The following DEK variants were observed in gnomAD, a reference collection of about 807,000 sequenced individuals.
The protein encoded by DEK is protein DEK.
In DEK, 28 loss-of-function variants were observed where a neutral mutation model predicts 46.8. The ratio of observed to expected loss-of-function variants is 0.60; its 90% confidence interval spans 0.44 to 0.82. The LOEUF (loss-of-function observed/expected upper bound fraction) is 0.82, where lower values mean the gene tolerates loss of function less well. Among genes scored for constraint, DEK ranks in the 40% least tolerant of loss-of-function variants. The pLI, the probability that DEK is intolerant of heterozygous loss-of-function variation, is 0.00. For missense variants in DEK, 416 were observed against 430.6 expected (o/e 0.97, Z 0.30); for synonymous variants, 160 against 144.5 (o/e 1.11, Z -0.77).
intron 1 of DEK, 142 bp downstream of exon 1, chr6:18,264,243 T>TGCGCTGTTCCCGGCCCGGCCC (rs1561996893): frequency 1.1e-5 from 3 of 273,346 alleles, no homozygotes; most frequent in Non-Finnish European, 2.0e-5. Flanking sequence ...CCGCCCGGCC[T>TGCGCTGTTCCCGGCCCGGCCC]GCGCTGTTCC....
At chr6:18,249,866 C>T in intron 6 of DEK, 27 bp from the exon 7 acceptor site, 1 of 1,570,912 alleles carries the variant, frequency 6.4e-7, no homozygotes, top group East Asian at 2.3e-5. Flanking sequence ...AAAGATAACA[C>T]CAATGAGGTA....
chr6:18,234,920 C>T (rs974875809), intron 9 of DEK, among the ~76,000 whole-genome samples: 1 of 152,154 alleles, frequency 6.6e-6, no homozygotes, highest in African/African-American at 2.4e-5. Context: ...CCTATGTCAT[C>T]GTCTCCTAAT....
At position 18,263,947 on chromosome 6, in the gene DEK, G is replaced by A. The variant is rs757359160; in HGVS notation, c.41C>T (p.Pro14Leu). 1 of 1,613,156 alleles carries A rather than the reference G, an allele frequency of 6.2e-7. No individual in the cohort carries two copies. Among genetic ancestry groups the A allele is most frequent in the South Asian group, 1.1e-5 (1 of 90,984 alleles). The change falls in exon 2 of 11, where the codon CCC (proline) becomes CTC (leucine). Residue 14 changes from proline to leucine, a missense_variant. Transcript: ENST00000652689. ...TTCTTTCTCGGACGCGGGCTGGGTG[G>A]GGGTTCCCTCCCCCTCCGCAGCAGG... ...SAPAAEGEGT[P>L]TQPASEKEPE...
At chr6:18,261,014 C>CTCTACTA (rs1345957781) in intron 2 of DEK, among the ~76,000 whole-genome samples, 2 of 150,236 alleles carry the variant, frequency 1.3e-5, no homozygotes, top group African/African-American at 4.9e-5. Context: ...GAAAGAAAAC[C>CTCTACTA]TCTACTAGGG....
intron 9 of DEK, 36 bp from the exon 10 acceptor site, chr6:18,226,278 C>G: frequency 7.6e-7 from 1 of 1,309,062 alleles, no homozygotes; most frequent in Non-Finnish European, 1.0e-6. Flanking sequence ...ATGTTAAAAG[C>G]AGATTTTAAA....
intron 6 of DEK, among the ~76,000 whole-genome samples, chr6:18,252,114 G>A (rs1791401360): frequency 1.3e-5 from 2 of 152,142 alleles, no homozygotes; most frequent in African/African-American, 4.8e-5. Context: ...ATAAGGTAAA[G>A]TACAATAGAA....
chr6:18,243,786 A>T (rs565866374), intron 7 of DEK, among the ~76,000 whole-genome samples: 1 of 152,222 alleles, frequency 6.6e-6, no homozygotes, highest in South Asian at 2.1e-4. Context: ...GCAATCAAAA[A>T]GTGGTTACCT....
At chr6:18,233,352 G>C (rs958918627) in intron 9 of DEK, among the ~76,000 whole-genome samples, 107 of 152,214 alleles carry the variant, frequency 7.0e-4, no homozygotes, top group African/African-American at 2.5e-3. Context: ...TTGACAAATG[G>C]GATCTAATTA....
rs1554155712 is a variant in DEK, at chr6:18,224,901, T to TTG, written c.*817_*818insCA. The TTG allele has an allele frequency of 4.7e-6, 1 of 212,900 alleles. No homozygotes were observed. Among genetic ancestry groups the TTG allele is most frequent in the Admixed American group, 5.8e-5 (1 of 17,114 alleles). 13.2% of individuals were successfully genotyped at this position (212,900 alleles called of 1,614,324 possible). ...AATATAAAACGTACCTACAGACACT[T>TTG]TTACAGAGTTAATACTAAAATTACA... On this transcript the variant is annotated 3_prime_UTR_variant, in exon 11 of 11. Transcript: ENST00000652689.
At chr6:18,264,237 C>T (rs1792010088) in intron 1 of DEK, 148 bp downstream of exon 1, 1 of 287,852 alleles carries the variant, frequency 3.5e-6, no homozygotes, top group Admixed American at 5.3e-5. Context: ...GCGCGCCCGC[C>T]CGGCCTGCGC....
rs755361234 is a variant in DEK, at chr6:18,255,851, T to C, written c.453A>G (p.Lys151=). ...QYKKKEEMLK[K]FRNAMLKSIC... ...TGCTCTTTAACATGGCATTTCTAAA[T>C]CTGAAACAGAAAATGGAAGAAACCA... The change falls in exon 6 of 11, where the codon AAA becomes AAG. Residue 151 remains lysine, a splice_region_variant and synonymous_variant. Coordinates refer to ENST00000652689, the MANE Select transcript of DEK (RefSeq NM_003472.4). 1.4e-5 allele frequency: 22 copies of C among 1,598,468 alleles called. No homozygotes were observed. Among genetic ancestry groups the C allele is most frequent in the Non-Finnish European group, 1.9e-5 (22 of 1,176,460 alleles).
At chr6:18,259,610 A>G (rs1214562268) in intron 2 of DEK, among the ~76,000 whole-genome samples, 1 of 152,094 alleles carries the variant, frequency 6.6e-6, no homozygotes, top group Non-Finnish European at 1.5e-5. Flanking sequence ...AAGAGGGGAT[A>G]AATGGATGAT....
chr6:18,258,149 A>G, intron 3 of DEK, 87 bp from the exon 4 acceptor site: 5 of 1,120,942 alleles, frequency 4.5e-6, no homozygotes, highest in Non-Finnish European at 2.6e-6. Context: ...TTTTCACAGC[A>G]TAATTTACAT....
intron 4 of DEK, among the ~76,000 whole-genome samples, chr6:18,257,075 T>C (rs995421798): frequency 1.3e-5 from 2 of 152,176 alleles, no homozygotes; most frequent in African/African-American, 4.8e-5. Context: ...CTCGATTATA[T>C]AATATACTAA....
At chr6:18,230,193 C>T (rs1028886491) in intron 9 of DEK, among the ~76,000 whole-genome samples, 4 of 152,084 alleles carry the variant, frequency 2.6e-5, no homozygotes, top group Non-Finnish European at 5.9e-5. Context: ...GATTTTGTCA[C>T]CACCAGGCCT....
At chr6:18,252,750 T>C (rs1791443428) in intron 6 of DEK, among the ~76,000 whole-genome samples, 1 of 152,180 alleles carries the variant, frequency 6.6e-6, no homozygotes, top group Non-Finnish European at 1.5e-5. Context: ...TCTGCTCTTT[T>C]CACTGTGTTG....
At chr6:18,261,017 T>G (rs1791837907) in intron 2 of DEK, among the ~76,000 whole-genome samples, 1 of 148,480 alleles carries the variant, frequency 6.7e-6, no homozygotes, top group Admixed American at 6.7e-5. Flanking sequence ...AGAAAACCTC[T>G]ACTAGGGCAG....
chr6:18,234,813 A>G (rs1315811119), intron 9 of DEK, among the ~76,000 whole-genome samples: 1 of 151,962 alleles, frequency 6.6e-6, no homozygotes, highest in Non-Finnish European at 1.5e-5. Flanking sequence ...ACCTACTCCC[A>G]TTTACCTACT....
chr6:18,230,735 T>A (rs1227687780), intron 9 of DEK, among the ~76,000 whole-genome samples: 2 of 152,158 alleles, frequency 1.3e-5, no homozygotes, highest in African/African-American at 4.8e-5. Flanking sequence ...AAGCAAGTCC[T>A]TAGAGACCTA....
Sources: gnomAD v4.1 joint callset for allele counts (sites outside exome capture counted in the v4.1 genomes callset) on GRCh38, gnomAD v4.1.1 for gene constraint, MANE v1.5 for transcripts, NCBI Gene and HGNC (gene_info 2026-07-23, HGNC 2026-07-21) for gene names.